The following ADGRG2 variants were observed in gnomAD, a reference collection of about 807,000 sequenced individuals.
The protein encoded by ADGRG2 is G protein-coupled receptor 64.
A neutral mutation model predicts 74.1 loss-of-function variants in ADGRG2; 26 were observed. The observed-to-expected ratio is 0.35, with a 90% confidence interval of 0.26 to 0.49. The LOEUF (loss-of-function observed/expected upper bound fraction) is 0.49, where lower values mean the gene tolerates loss of function less well. ADGRG2 is among the 20% of genes least tolerant of loss of function. The pLI is 0.99. For synonymous variants in ADGRG2, 296 were observed against 295.2 expected (o/e 1.00, Z -0.03); for missense variants, 619 against 763.1 (o/e 0.81, Z 2.22).
intron 26 of ADGRG2, among the ~76,000 whole-genome samples, chrX:18,997,469 A>G (rs183101872): frequency 8.9e-6 from 1 of 112,126 alleles, no homozygotes; most frequent in African/African-American, 3.2e-5. Flanking sequence ...GGGCATATAT[A>G]TATGTTTTTT....
intron 2 of ADGRG2, among the ~76,000 whole-genome samples, chrX:19,075,617 C>CAAAAAAAAAAAAAAAAA (rs61690480): frequency 1.0e-4 from 4 of 39,468 alleles, no homozygotes; most frequent in Non-Finnish European, 1.5e-4. Flanking sequence ...GACTTCGCCT[C>CAAAAAAAAAAAAAAAAA]AAAAAAAAAA....
At chrX:19,041,590 T>G (rs1219128943) in intron 3 of ADGRG2, among the ~76,000 whole-genome samples, 1 of 111,647 alleles carries the variant, frequency 9.0e-6, no homozygotes, top group East Asian at 2.8e-4. Context: ...GGGTACTGAT[T>G]GTTTTCTGGG....
At chrX:19,045,285 G>C (rs1355518839) in intron 3 of ADGRG2, among the ~76,000 whole-genome samples, 2 of 67,092 alleles carry the variant, frequency 3.0e-5, no homozygotes, top group East Asian at 8.8e-4. Flanking sequence ...TACAGAAATG[G>C]GGGGTGTTGT....
rs1392100143 is a variant in ADGRG2 at position 19,040,298 on chromosome X, AT to A, written c.119-75del. ...TCAATAAAATTGTACTATATTAAGG[AT>A]TTTTTGTCAAATAAGTAGGTTTCAG... On this transcript the variant is annotated intron_variant, in intron 3 of 28. Coordinates refer to ENST00000379869, the MANE Select transcript of ADGRG2 (RefSeq NM_001079858.3). 3 of 676,013 alleles carry A rather than the reference AT, an allele frequency of 4.4e-6. No homozygotes were observed. The East Asian group carries it at 1.0e-4, about 23-fold the overall frequency. 55.7% of individuals were successfully genotyped at this position (676,013 alleles called of 1,213,427 possible).
chrX:19,114,730 T>C (rs1156316569), intron 1 of ADGRG2, among the ~76,000 whole-genome samples: 2 of 111,530 alleles, frequency 1.8e-5, no homozygotes, highest in Middle Eastern at 4.2e-3. Flanking sequence ...TCACCTCCAG[T>C]TGAGAACCAC....
At chrX:19,075,710 T>C (rs902561441) in intron 2 of ADGRG2, among the ~76,000 whole-genome samples, 2 of 109,105 alleles carry the variant, frequency 1.8e-5, no homozygotes, top group African/African-American at 6.7e-5. Context: ...GAAGCAACAA[T>C]GGAAGCCAGA....
intron 1 of ADGRG2, among the ~76,000 whole-genome samples, chrX:19,117,633 A>G (rs748841117): frequency 1.2e-3 from 137 of 110,771 alleles, no homozygotes; most frequent in African/African-American, 4.4e-3. Context: ...CCTGGCCAAT[A>G]TGGCAAAACC....
chrX:19,074,714 C>T (rs765769956), intron 2 of ADGRG2, among the ~76,000 whole-genome samples: 5 of 106,465 alleles, frequency 4.7e-5, no homozygotes, highest in Non-Finnish European at 7.7e-5. Flanking sequence ...GGATTACAGG[C>T]GCCTGCCACC....
intron 1 of ADGRG2, among the ~76,000 whole-genome samples, chrX:19,091,882 A>G (rs1439491388): frequency 1.8e-5 from 2 of 112,612 alleles, no homozygotes; most frequent in African/African-American, 6.5e-5. Flanking sequence ...GGTGAGAAAC[A>G]AGGCTGGATG....
intron 3 of ADGRG2, among the ~76,000 whole-genome samples, chrX:19,061,502 T>C (rs1288796043): frequency 3.6e-5 from 4 of 111,885 alleles, no homozygotes; most frequent in African/African-American, 1.3e-4. Flanking sequence ...GACACATCAT[T>C]CTGTGTTCAA....
intron 1 of ADGRG2, among the ~76,000 whole-genome samples, chrX:19,106,493 TTGTG>T (rs199616929): frequency 2.8e-5 from 3 of 106,738 alleles, no homozygotes; most frequent in African/African-American, 6.9e-5. Context: ...TAGTGTGTGT[TTGTG>T]TGTGTGTGTG....
intron 28 of ADGRG2, among the ~76,000 whole-genome samples, chrX:18,994,185 A>C (rs1371154985): frequency 8.9e-6 from 1 of 111,949 alleles, no homozygotes; most frequent in East Asian, 2.8e-4. Context: ...GAAAAGCAAA[A>C]AATAGGAAGG....
chrX:19,055,025 C>T (rs2061385829), intron 3 of ADGRG2, among the ~76,000 whole-genome samples: 1 of 111,908 alleles, frequency 8.9e-6, no homozygotes, highest in Non-Finnish European at 1.9e-5. Context: ...CAACAATAAG[C>T]GACGTGGGGC....
intron 23 of ADGRG2, among the ~76,000 whole-genome samples, chrX:19,003,358 G>A (rs1310205814): frequency 2.7e-5 from 3 of 110,777 alleles, no homozygotes; most frequent in Non-Finnish European, 3.8e-5. Context: ...GTTTCGCCAT[G>A]TTGCCTAGGC....
At chrX:19,113,248 C>T (rs1218363524) in intron 1 of ADGRG2, among the ~76,000 whole-genome samples, 3 of 108,433 alleles carry the variant, frequency 2.8e-5, no homozygotes, top group African/African-American at 1.0e-4. Context: ...AGTGGTGGTA[C>T]GTGCCTGTAG....
chrX:19,014,061 G>C lies in ADGRG2; in HGVS notation c.724C>G (p.Pro242Ala). 8.3e-7 allele frequency: 1 copy of C among 1,199,822 alleles called. No individual in the cohort carries two copies. The highest frequency in any genetic ancestry group is 1.7e-5 in the African/African-American group (1 of 57,491). The part of the protein sequence containing the change: ...LEKLQCDLQD[P>A]IVCLADHPRG... ...GGATGGTCAGCAAGACAGACAATGG[G>C]ATCCTGCAGGTCACTAAAGGAACAA... Residue 242 changes from proline to alanine, a missense_variant, in exon 16 of 29, where the codon CCC (proline) becomes GCC (alanine). Physicochemically the swap from Pro to Ala is conservative, Grantham distance 27. Around this residue, in one of 3 missense-constraint regions of ADGRG2, gnomAD observed 292 missense variants for 318.0 expected, o/e 0.92. Coordinates refer to ENST00000379869, the MANE Select transcript of ADGRG2 (RefSeq NM_001079858.3).
chrX:19,113,492 AAAACATTTACTGAGAT>A (rs1353736555), intron 1 of ADGRG2, among the ~76,000 whole-genome samples: 1 of 112,360 alleles, frequency 8.9e-6, no homozygotes, highest in Non-Finnish European at 1.9e-5. Context: ...GTATCTTATC[AAAACATTTACTGAGAT>A]TGATAACAGC....
intron 17 of ADGRG2, 126 bp from the exon 18 acceptor site, chrX:19,009,908 TCAAG>T (rs1374727780): frequency 4.2e-6 from 2 of 471,067 alleles, no homozygotes; most frequent in East Asian, 8.0e-5. Flanking sequence ...CCTCCTGGGT[TCAAG>T]CAATTCTACT....
intron 18 of ADGRG2, 86 bp downstream of exon 18, chrX:19,009,540 G>T: frequency 1.2e-6 from 1 of 827,279 alleles, no homozygotes; most frequent in Non-Finnish European, 1.8e-6. Flanking sequence ...CTGACTATAA[G>T]CAGTAATTGC....
Sources: allele counts gnomAD v4.1 joint callset (sites outside exome capture counted in the v4.1 genomes callset), GRCh38; gene constraint gnomAD v4.1.1; regional missense constraint gnomAD v4.1.1; transcripts MANE v1.5; gene names NCBI Gene and HGNC (gene_info 2026-07-23, HGNC 2026-07-21).